The following PDE3A variants were observed in gnomAD, a reference collection of about 807,000 sequenced individuals.
PDE3A encodes cGMP-inhibited 3',5'-cyclic phosphodiesterase 3A.
In PDE3A, 43 loss-of-function variants were observed where a neutral mutation model predicts 98.3. That is an observed-to-expected ratio of 0.44 (90% CI 0.34 to 0.56). The LOEUF is 0.56. Among genes scored for constraint, PDE3A ranks in the 20% least tolerant of loss-of-function variants. The probability of loss-of-function intolerance (pLI) is 0.01; values close to 1 mark genes in which losing one functional copy is unlikely to be tolerated. For synonymous variants in PDE3A, 663 were observed against 567.9 expected (o/e 1.17, Z -2.38); for missense variants, 1,427 against 1,440.7 (o/e 0.99, Z 0.15).
chr12:20,388,659 A>G (rs1412655251), intron 1 of PDE3A, among the ~76,000 whole-genome samples: 4 of 152,026 alleles, frequency 2.6e-5, no homozygotes, highest in African/African-American at 4.8e-5. Flanking sequence ...ATTTTTGTTT[A>G]AAGTAATGAG....
chr12:20,618,134 A>T (rs1944049253), intron 4 of PDE3A, among the ~76,000 whole-genome samples: 1 of 152,166 alleles, frequency 6.6e-6, no homozygotes, highest in Non-Finnish European at 1.5e-5. Context: ...TATGAAAAGT[A>T]CTGATGTAAA....
chr12:20,369,644 C>CG lies in PDE3A; in HGVS notation c.365dup (p.Gly123ArgfsTer97), dbSNP rs750418711. 1.3e-6 allele frequency: 2 copies of CG among 1,597,434 alleles called. No individual in the cohort carries two copies. Among genetic ancestry groups the CG allele is most frequent in the Middle Eastern group, 1.7e-4 (1 of 6,024 alleles). On this transcript the variant is annotated frameshift_variant, in exon 1 of 16. Transcript: ENST00000359062. LOFTEE classifies it high-confidence loss of function. ...TCCCGGGGCCTCGGGGAGGTGCTCC[C>CG]GGGGGCGGTGCGCGGCTCAGCCCCT...
At chr12:20,514,134 G>C (rs369287710) in intron 1 of PDE3A, among the ~76,000 whole-genome samples, 5 of 152,214 alleles carry the variant, frequency 3.3e-5, no homozygotes, top group African/African-American at 1.2e-4. Context: ...GTGAGACACA[G>C]GCATTTTATT....
chr12:20,478,862 G>A (rs987790541), intron 1 of PDE3A, among the ~76,000 whole-genome samples: 3 of 151,928 alleles, frequency 2.0e-5, no homozygotes, highest in African/African-American at 7.3e-5. Context: ...CAAAATTTTG[G>A]CACATTTTTT....
At chr12:20,586,466 C>T (rs1332748226) in intron 2 of PDE3A, among the ~76,000 whole-genome samples, 2 of 152,146 alleles carry the variant, frequency 1.3e-5, no homozygotes, top group Admixed American at 1.3e-4. Context: ...TAAAAGGGAG[C>T]TCTTAAAAAA....
At chr12:20,472,979 A>AT (rs1276688591) in intron 1 of PDE3A, among the ~76,000 whole-genome samples, 1 of 152,168 alleles carries the variant, frequency 6.6e-6, no homozygotes, top group Non-Finnish European at 1.5e-5. Context: ...TACTCAATAT[A>AT]TACATATTGT....
chr12:20,576,391 TTA>T (rs1161412252), intron 2 of PDE3A, among the ~76,000 whole-genome samples: 1 of 152,104 alleles, frequency 6.6e-6, no homozygotes, highest in Non-Finnish European at 1.5e-5. Flanking sequence ...GTTACAATTT[TTA>T]TATTATCTAT....
intron 1 of PDE3A, among the ~76,000 whole-genome samples, chr12:20,479,706 A>G (rs1945590415): frequency 6.6e-6 from 1 of 152,194 alleles, no homozygotes. Context: ...GGAAAGTGAT[A>G]TTACACTGAG....
intron 14 of PDE3A, among the ~76,000 whole-genome samples, chr12:20,652,778 T>C (rs1319945064): frequency 6.6e-6 from 1 of 152,186 alleles, no homozygotes; most frequent in Non-Finnish European, 1.5e-5. Context: ...AAGGACTTCA[T>C]GTCTAAAACA....
chr12:20,667,866 C>G (rs1022623065), intron 15 of PDE3A, among the ~76,000 whole-genome samples: 7 of 152,190 alleles, frequency 4.6e-5, no homozygotes, highest in Admixed American at 1.3e-4. Context: ...CGAACAGGAA[C>G]AGCTCCGGTC....
At chr12:20,627,150 A>AC (rs1944282521) in intron 5 of PDE3A, among the ~76,000 whole-genome samples, 1 of 151,088 alleles carries the variant, frequency 6.6e-6, no homozygotes, top group Non-Finnish European at 1.5e-5. Flanking sequence ...TCTGTTAAAA[A>AC]AAAAAAAAAA....
Position 20,685,540 on chromosome 12 carries a change from A to C in PDE3A, c.*5269A>C, listed in dbSNP as rs1225014170. Among the ~76,000 whole-genome samples, 2 of 152,100 alleles carry C rather than the reference A, an allele frequency of 1.3e-5. No individual in the cohort carries two copies. The highest frequency in any genetic ancestry group is 2.9e-5 in the Non-Finnish European group (2 of 68,020). On this transcript the variant is annotated 3_prime_UTR_variant, in exon 16 of 16. Coordinates refer to ENST00000359062, the MANE Select transcript of PDE3A (RefSeq NM_000921.5). ...GATTCAAAAATACTGACCTAGTATC[A>C]GTGTAGGTAAGACCATAAAATACAG... is the stretch of plus-strand genomic sequence containing the variant.
At chr12:20,503,129 A>G (rs1946052992) in intron 1 of PDE3A, among the ~76,000 whole-genome samples, 1 of 152,056 alleles carries the variant, frequency 6.6e-6, no homozygotes, top group Non-Finnish European at 1.5e-5. Flanking sequence ...CATTTAATCC[A>G]TGATTTTCTA....
At chr12:20,426,835 C>T (rs1944608950) in intron 1 of PDE3A, among the ~76,000 whole-genome samples, 1 of 152,132 alleles carries the variant, frequency 6.6e-6, no homozygotes, top group Non-Finnish European at 1.5e-5. Context: ...GTTACATTCA[C>T]TAAAATAAGA....
intron 1 of PDE3A, among the ~76,000 whole-genome samples, chr12:20,434,208 C>CAAT (rs1243154886): frequency 6.6e-6 from 1 of 151,698 alleles, no homozygotes; most frequent in Non-Finnish European, 1.5e-5. Flanking sequence ...GTTTCTCTTA[C>CAAT]AATAGTCTTG....
At chr12:20,505,853 A>C (rs1023486875) in intron 1 of PDE3A, among the ~76,000 whole-genome samples, 1 of 151,966 alleles carries the variant, frequency 6.6e-6, no homozygotes, top group Non-Finnish European at 1.5e-5. Context: ...ATATGGCAGC[A>C]TGGAGCTGCC....
At chr12:20,384,744 A>G (rs184222147) in intron 1 of PDE3A, among the ~76,000 whole-genome samples, 1 of 151,986 alleles carries the variant, frequency 6.6e-6, no homozygotes. Flanking sequence ...ATGTGTTATC[A>G]TTGTTCAGCT....
At chr12:20,497,870 G>T (rs1945948323) in intron 1 of PDE3A, among the ~76,000 whole-genome samples, 1 of 152,092 alleles carries the variant, frequency 6.6e-6, no homozygotes, top group African/African-American at 2.4e-5. Flanking sequence ...AATTGTGTTA[G>T]TATACTTTAT....
At chr12:20,578,246 C>T (rs1043240706) in intron 2 of PDE3A, among the ~76,000 whole-genome samples, 3 of 152,068 alleles carry the variant, frequency 2.0e-5, no homozygotes, top group Non-Finnish European at 4.4e-5. Flanking sequence ...TCAGGATAGA[C>T]AAGGTGGTAC....
Sources: gnomAD v4.1 joint callset for allele counts (sites outside exome capture counted in the v4.1 genomes callset) on GRCh38, gnomAD v4.1.1 for gene constraint, MANE v1.5 for transcripts, NCBI Gene and HGNC (gene_info 2026-07-23, HGNC 2026-07-21) for gene names.